PSD3: variants seen among roughly 807,000 people sequenced by gnomAD.
The protein encoded by PSD3 is PH and SEC7 domain-containing protein 3.
In PSD3, 49 loss-of-function variants were observed where a neutral mutation model predicts 105.5. The observed-to-expected ratio is 0.46, with a 90% confidence interval of 0.37 to 0.59. PSD3 has a LOEUF of 0.59. Ranked by LOEUF, PSD3 falls within the 20% of genes least tolerant of loss-of-function variation. The probability of loss-of-function intolerance (pLI) is 0.00; values close to 1 mark genes in which losing one functional copy is unlikely to be tolerated. For missense variants in PSD3, 1,561 were observed against 1,263.8 expected, an observed-to-expected ratio of 1.24 and a Z score of -3.57; for synonymous variants, 557 against 457.8, an observed-to-expected ratio of 1.22 and a Z score of -2.77.
chr8:18,801,478 A>C lies in PSD3; in HGVS notation c.1911-96T>G. 7 of 677,018 alleles carry C rather than the reference A, an allele frequency of 1.0e-5. No individual in the cohort carries two copies. In the South Asian group the frequency reaches 1.3e-4, roughly 13 times the overall value. The allele number at this position is 677,018 out of a possible 1,614,324, so 41.9% of individuals were successfully genotyped here. Reference sequence around the variant, plus strand: ...TCAATTTATATAAACCTAAGATATTAATTATACAAAGTAAGATATTATGAA... The same window carrying C: ...TCAATTTATATAAACCTAAGATATTCATTATACAAAGTAAGATATTATGAA... On this transcript the variant is annotated intron_variant, in intron 6 of 15. Coordinates refer to ENST00000327040, the MANE Select transcript of PSD3 (RefSeq NM_015310.4).
chr8:19,067,474 A>G (rs1829114593), intron 1 of PSD3, among the ~76,000 whole-genome samples: 1 of 152,316 alleles, frequency 6.6e-6, no homozygotes, highest in African/African-American at 2.4e-5. Context: ...GACTCTGACC[A>G]TGTGTTCTTT....
intron 4 of PSD3, among the ~76,000 whole-genome samples, chr8:18,856,671 G>A (rs1478952329): frequency 1.3e-5 from 2 of 152,112 alleles, no homozygotes; most frequent in Non-Finnish European, 2.9e-5. Flanking sequence ...TCTAAATAGA[G>A]TAATTATAAA....
Position 18,619,907 on chromosome 8 carries a change from C to T in PSD3, c.2410+12706G>A, listed in dbSNP as rs554609355. On this transcript the variant is annotated intron_variant, in intron 11 of 15. Coordinates refer to ENST00000327040, the MANE Select transcript of PSD3 (RefSeq NM_015310.4). ...GGGGAAATTAACATCTTTGGAGAATCGCCATTGATGCAGCCAGGCCTTCCC... is the reference window on the plus strand; with the variant it reads ...GGGGAAATTAACATCTTTGGAGAATTGCCATTGATGCAGCCAGGCCTTCCC... Among the ~76,000 whole-genome samples the T allele has an allele frequency of 2.6e-5, 4 of 152,278 alleles. No homozygotes were observed. The East Asian group carries it at 5.8e-4, about 22-fold the overall frequency.
chr8:19,053,649 G>A (rs1828605322), intron 1 of PSD3, among the ~76,000 whole-genome samples: 2 of 152,004 alleles, frequency 1.3e-5, no homozygotes, highest in Non-Finnish European at 2.9e-5. Context: ...AATTAGCTAG[G>A]TGGGTGGTGG....
intron 9 of PSD3, among the ~76,000 whole-genome samples, chr8:18,680,206 C>T (rs144705102): frequency 1.3e-5 from 2 of 152,234 alleles, no homozygotes; most frequent in African/African-American, 2.4e-5. Context: ...TCTGGGAGAA[C>T]TGAGGCTTAA....
At chr8:18,881,333 TAGAA>T (rs1818089574) in intron 2 of PSD3, among the ~76,000 whole-genome samples, 1 of 152,128 alleles carries the variant, frequency 6.6e-6, no homozygotes, top group Admixed American at 6.5e-5. Context: ...TGAAATGAAA[TAGAA>T]AGAAATTTCT....
At chr8:18,977,113 A>G (rs1824984168) in intron 1 of PSD3, among the ~76,000 whole-genome samples, 1 of 152,100 alleles carries the variant, frequency 6.6e-6, no homozygotes. Context: ...TACAAAAATT[A>G]GCCAGGTGTG....
chr8:19,016,432 C>A (rs1450427517), upstream of PSD3, among the ~76,000 whole-genome samples: 8 of 152,176 alleles, frequency 5.3e-5, no homozygotes, highest in South Asian at 1.4e-3. Context: ...CTTCCTATTT[C>A]TGAAGGTCAC....
rs142545678 is a variant in PSD3, at chr8:18,802,578, G to A, written c.1911-1196C>T. On this transcript the variant is annotated intron_variant, in intron 6 of 15. Coordinates refer to ENST00000327040, the MANE Select transcript of PSD3 (RefSeq NM_015310.4). The stretch of plus-strand genomic sequence containing the variant: ...CAAAAATACAGATCTTTCATCCACT[G>A]ATAACTGTTTTTGTTAGAAAATCTG... Among the ~76,000 whole-genome samples, 23 of 152,248 alleles carry A rather than the reference G, an allele frequency of 1.5e-4. 1 individual carries two copies. The East Asian group carries it at 4.4e-3, about 29-fold the overall frequency.
chr8:18,619,271 C>G (rs1805935159), intron 11 of PSD3, among the ~76,000 whole-genome samples: 1 of 152,112 alleles, frequency 6.6e-6, no homozygotes, highest in Non-Finnish European at 1.5e-5. Flanking sequence ...GCCCGACTGA[C>G]CAGCATTACG....
At chr8:18,979,171 G>GC (rs1398420951) in intron 1 of PSD3, among the ~76,000 whole-genome samples, 1 of 121,418 alleles carries the variant, frequency 8.2e-6, no homozygotes, top group Non-Finnish European at 2.1e-5. Context: ...CCAAGACACT[G>GC]GGGGGCGGCC....
intron 11 of PSD3, among the ~76,000 whole-genome samples, chr8:18,617,385 G>C (rs1387706785): frequency 6.6e-6 from 1 of 152,002 alleles, no homozygotes; most frequent in East Asian, 1.9e-4. Flanking sequence ...TCCAAAATTA[G>C]CTGGTCGTGA....
chr8:18,825,528 G>C (rs1017807529), intron 4 of PSD3, among the ~76,000 whole-genome samples: 1 of 152,204 alleles, frequency 6.6e-6, no homozygotes, highest in African/African-American at 2.4e-5. Flanking sequence ...AGGGATATGA[G>C]TGTTGAGGGG....
chr8:18,538,035 G>A (rs950526603), intron 15 of PSD3, among the ~76,000 whole-genome samples: 3 of 152,128 alleles, frequency 2.0e-5, no homozygotes, highest in Non-Finnish European at 2.9e-5. Context: ...CTGCTGCCCC[G>A]TGACATGGGC....
intron 1 of PSD3, among the ~76,000 whole-genome samples, chr8:18,949,981 G>A (rs79576832): frequency 0.13 from 19,301 of 152,096 alleles, 1,356 homozygotes; most frequent in Non-Finnish European, 0.17. Context: ...AAAATGTCAT[G>A]ACAAGACAAG....
chr8:18,707,419 C>A (rs946643859), intron 9 of PSD3, among the ~76,000 whole-genome samples: 32 of 152,318 alleles, frequency 2.1e-4, no homozygotes, highest in African/African-American at 7.7e-4. Flanking sequence ...AATCCAACAG[C>A]TTCAGGGCAG....
upstream of PSD3, among the ~76,000 whole-genome samples, chr8:19,015,953 C>T (rs1016736382): frequency 1.3e-5 from 2 of 152,144 alleles, no homozygotes; most frequent in Admixed American, 6.5e-5. Context: ...ATCATTCATT[C>T]GTCCAGTTAT....
rs1554489401 is a variant in PSD3, at chr8:18,752,501, A to AAAT, written c.2172+12947_2172+12948insATT. Among the ~76,000 whole-genome samples, 9 of 88,640 alleles carry AAAT rather than the reference A, an allele frequency of 1.0e-4. No homozygotes were observed. The South Asian group carries it at 1.3e-3, about 13-fold the overall frequency. 58.2% of individuals were successfully genotyped at this position (88,640 alleles called of 152,430 possible). On this transcript the variant is annotated intron_variant, in intron 9 of 15. Coordinates refer to ENST00000327040, the MANE Select transcript of PSD3 (RefSeq NM_015310.4). ...ATATTATTATATATATAATATATAT[A>AAAT]ATATATATAATATATGTAATATATA... is the stretch of plus-strand genomic sequence containing the variant.
intron 2 of PSD3, among the ~76,000 whole-genome samples, chr8:18,921,239 A>G (rs904534028): frequency 2.0e-5 from 3 of 152,254 alleles, no homozygotes; most frequent in African/African-American, 4.8e-5. Flanking sequence ...TCAGTAAAAT[A>G]TATCAAACTA....
Sources: allele counts gnomAD v4.1 joint callset (sites outside exome capture counted in the v4.1 genomes callset), GRCh38; gene constraint gnomAD v4.1.1; transcripts MANE v1.5; gene names NCBI Gene and HGNC (gene_info 2026-07-23, HGNC 2026-07-21).